CDH2: variants seen among roughly 807,000 people sequenced by gnomAD.
CDH2 encodes cadherin-2.
A neutral mutation model predicts 92.0 loss-of-function variants in CDH2; 17 were observed. The observed-to-expected ratio is 0.18, with a 90% CI of 0.13 to 0.28. CDH2 has a LOEUF of 0.28. Among genes scored for constraint, CDH2 ranks in the 10% least tolerant of loss-of-function variants. CDH2 has a pLI of 1.00. For synonymous variants in CDH2, 419 were observed against 415.9 expected (o/e 1.01, Z -0.09); for missense variants, 862 against 1,133.1 (o/e 0.76, Z 3.44).
intron 1 of CDH2, among the ~76,000 whole-genome samples, chr18:28,176,737 C>T (rs1181202960): frequency 1.3e-5 from 2 of 151,814 alleles, no homozygotes; most frequent in African/African-American, 4.8e-5. Flanking sequence ...CCTAGAGCCC[C>T]GCCAGGAAAG....
chr18:27,989,786 GTGA>G (rs2012351132), intron 10 of CDH2, among the ~76,000 whole-genome samples: 1 of 152,112 alleles, frequency 6.6e-6, no homozygotes, highest in Admixed American at 6.6e-5. Context: ...GAACCTTTTT[GTGA>G]TGTTTGGCAT....
chr18:28,030,331 A>G (rs1484285379), intron 2 of CDH2, among the ~76,000 whole-genome samples: 1 of 152,106 alleles, frequency 6.6e-6, no homozygotes, highest in Non-Finnish European at 1.5e-5. Context: ...TTTTGTCTAA[A>G]AAAAGGACTT....
At chr18:28,118,742 A>G (rs1272774908) in intron 2 of CDH2, among the ~76,000 whole-genome samples, 1 of 150,932 alleles carries the variant, frequency 6.6e-6, no homozygotes, top group Non-Finnish European at 1.5e-5. Flanking sequence ...AGTTATTGAC[A>G]TATTCCACTA....
At chr18:28,120,320 T>G (rs28365310) in intron 2 of CDH2, among the ~76,000 whole-genome samples, 1 of 152,176 alleles carries the variant, frequency 6.6e-6, no homozygotes, top group East Asian at 1.9e-4. Flanking sequence ...GCATATCATT[T>G]CATCATGCTG....
At chr18:28,132,444 T>C (rs17536437) in intron 2 of CDH2, among the ~76,000 whole-genome samples, 127 of 152,214 alleles carry the variant, frequency 8.3e-4, no homozygotes, top group African/African-American at 2.8e-3. Flanking sequence ...CTTCCCTTTC[T>C]CCAGTCAAGG....
chr18:28,119,191 C>T (rs893872542), intron 2 of CDH2, among the ~76,000 whole-genome samples: 1 of 152,078 alleles, frequency 6.6e-6, no homozygotes, highest in African/African-American at 2.4e-5. Context: ...TTTCCTGTGA[C>T]TCGGACCAGG....
intron 14 of CDH2, among the ~76,000 whole-genome samples, chr18:27,979,829 A>G (rs2011983794): frequency 1.3e-5 from 2 of 152,216 alleles, no homozygotes; most frequent in Non-Finnish European, 2.9e-5. Flanking sequence ...GTTTGTGGGT[A>G]TAAGGGAAGC....
At chr18:28,130,844 A>G (rs746530116) in intron 2 of CDH2, among the ~76,000 whole-genome samples, 10 of 152,216 alleles carry the variant, frequency 6.6e-5, no homozygotes, top group African/African-American at 9.6e-5. Context: ...CTAAATTTCC[A>G]TAGGAGGGTG....
chr18:28,021,647 A>T (rs2013413874), intron 2 of CDH2, among the ~76,000 whole-genome samples: 1 of 151,962 alleles, frequency 6.6e-6, no homozygotes, highest in African/African-American at 2.4e-5. Flanking sequence ...CCTCAAAATG[A>T]TGTTAACCAT....
intron 1 of CDH2, 66 bp downstream of exon 1, chr18:28,176,897 A>G: frequency 1.1e-6 from 1 of 905,040 alleles, no homozygotes; most frequent in Non-Finnish European, 1.4e-6. Flanking sequence ...GGCGCGGGGA[A>G]CAAAGGGACC....
intron 2 of CDH2, among the ~76,000 whole-genome samples, chr18:28,093,048 G>T (rs78187701): frequency 6.6e-6 from 1 of 151,942 alleles, no homozygotes; most frequent in Non-Finnish European, 1.5e-5. Context: ...GCAACAGAGC[G>T]GTTGGACATT....
intron 2 of CDH2, among the ~76,000 whole-genome samples, chr18:28,047,626 T>C (rs2014102902): frequency 6.6e-6 from 1 of 151,974 alleles, no homozygotes; most frequent in East Asian, 1.9e-4. Flanking sequence ...CCCGGCACTT[T>C]GGGAGGCCGA....
chr18:28,047,651 G>A (rs932528784), intron 2 of CDH2, among the ~76,000 whole-genome samples: 1 of 151,978 alleles, frequency 6.6e-6, no homozygotes, highest in Non-Finnish European at 1.5e-5. Flanking sequence ...GGTGGATCAC[G>A]AGGTCAGGAG....
chr18:28,061,446 CA>C (rs1321749266), intron 2 of CDH2, among the ~76,000 whole-genome samples: 1 of 152,048 alleles, frequency 6.6e-6, no homozygotes. Context: ...AGTTTGAGAC[CA>C]GCCTAGCCAA....
At chr18:28,106,575 TATG>T (rs763197463) in intron 2 of CDH2, among the ~76,000 whole-genome samples, 2 of 151,548 alleles carry the variant, frequency 1.3e-5, no homozygotes, top group Non-Finnish European at 2.9e-5. Context: ...GATTTAAAAA[TATG>T]ATGTCACATG....
At chr18:27,950,273 T>C (rs1313565236), downstream of CDH2, among the ~76,000 whole-genome samples, 1 of 152,166 alleles carries the variant, frequency 6.6e-6, no homozygotes, top group Non-Finnish European at 1.5e-5. Context: ...ATGTGTACAG[T>C]ATAAGACTAT....
intron 2 of CDH2, among the ~76,000 whole-genome samples, chr18:28,064,002 A>T (rs1262141373): frequency 6.6e-6 from 1 of 152,224 alleles, no homozygotes; most frequent in Non-Finnish European, 1.5e-5. Flanking sequence ...AAGGTAATAG[A>T]ATATTTATTG....
intron 2 of CDH2, among the ~76,000 whole-genome samples, chr18:28,083,167 A>C (rs2144194307): frequency 6.6e-6 from 1 of 152,282 alleles, no homozygotes; most frequent in East Asian, 1.9e-4. Context: ...TAAATAACTA[A>C]AGATAATACC....
At chr18:27,979,135 T>C (rs1306636139) in intron 14 of CDH2, among the ~76,000 whole-genome samples, 7 of 152,192 alleles carry the variant, frequency 4.6e-5, no homozygotes, top group Non-Finnish European at 8.8e-5. Context: ...CACATATCTA[T>C]AATCTATAAG....
Sources: allele counts gnomAD v4.1 joint callset (sites outside exome capture counted in the v4.1 genomes callset), GRCh38; gene constraint gnomAD v4.1.1; transcripts MANE v1.5; gene names NCBI Gene and HGNC (gene_info 2026-07-23, HGNC 2026-07-21).